SYNE1: variants seen among roughly 807,000 people sequenced by gnomAD.
The protein encoded by SYNE1 is nesprin-1.
SYNE1 carries 616 observed loss-of-function variants against 1,111.0 expected under a neutral mutation model. The ratio of observed to expected loss-of-function variants is 0.55; its 90% CI spans 0.52 to 0.59. The LOEUF (loss-of-function observed/expected upper bound fraction) is 0.59, where lower values mean the gene tolerates loss of function less well. Ranked by LOEUF, SYNE1 falls within the 20% of genes least tolerant of loss-of-function variation. The pLI, the probability that SYNE1 is intolerant of heterozygous loss-of-function variation, is 0.00. For synonymous variants in SYNE1, 3,855 were observed against 3,825.8 expected (o/e 1.01, Z -0.28); for missense variants, 10,006 against 10,417.0 (o/e 0.96, Z 1.72).
chr6:152,528,701 CA>C (rs2099178724), intron 4 of SYNE1, among the ~76,000 whole-genome samples: 1 of 152,100 alleles, frequency 6.6e-6, no homozygotes, highest in South Asian at 2.1e-4. Flanking sequence ...GTGTCCATGC[CA>C]GTATATGTTA....
Position 152,326,691 on chromosome 6 carries a change from A to G in SYNE1, c.14956-58T>C. 6.6e-6 allele frequency: 10 copies of G among 1,525,096 alleles called. No individual in the cohort carries two copies. The South Asian group carries it at 1.2e-4, about 18-fold the overall frequency. 94.5% of individuals were successfully genotyped at this position (1,525,096 alleles called of 1,614,324 possible). A position where few individuals can be genotyped will look rare whatever the true frequency, so the allele number is the denominator to read the frequency against. On this transcript the variant is annotated intron_variant, in intron 78 of 145. Coordinates refer to ENST00000367255, the MANE Select transcript of SYNE1 (RefSeq NM_182961.4). The stretch of plus-strand genomic sequence containing the variant: ...CTCCTTTGCAATGTGTTTGCAGGAA[A>G]GAGTTTTATTCACTCATTTGTTTTC...
intron 110 of SYNE1, among the ~76,000 whole-genome samples, 182 bp from the exon 111 acceptor site, chr6:152,234,982 G>C (rs1255524440): frequency 1.3e-5 from 2 of 152,106 alleles, no homozygotes; most frequent in Non-Finnish European, 2.9e-5. Flanking sequence ...CTGTCTCTCT[G>C]GGTTTCCGCT....
chr6:152,164,389 G>T, intron 130 of SYNE1, 64 bp from the exon 131 acceptor site: 1 of 1,584,980 alleles, frequency 6.3e-7, no homozygotes, highest in Non-Finnish European at 8.6e-7. Flanking sequence ...TCTCTAGCGT[G>T]CAGAGGAGAA....
intron 77 of SYNE1, among the ~76,000 whole-genome samples, chr6:152,332,133 C>T (rs1485286809): frequency 6.6e-6 from 1 of 152,172 alleles, no homozygotes; most frequent in East Asian, 1.9e-4. Flanking sequence ...TGCCACCATG[C>T]TCGGCTAATT....
intron 137 of SYNE1, chr6:152,145,412 A>G: frequency 7.2e-7 from 1 of 1,388,858 alleles, no homozygotes; most frequent in East Asian, 2.3e-5. Context: ...TGGGAGAGAG[A>G]CAGCAGATGT....
chr6:152,532,418 T>G (rs2099207885), intron 4 of SYNE1, among the ~76,000 whole-genome samples: 1 of 152,318 alleles, frequency 6.6e-6, no homozygotes, highest in African/African-American at 2.4e-5. Flanking sequence ...TATTTTACTT[T>G]AAACTACTAA....
chr6:152,630,548 G>A (rs1017458610), intron 2 of SYNE1, among the ~76,000 whole-genome samples: 3 of 152,186 alleles, frequency 2.0e-5, no homozygotes, highest in African/African-American at 7.2e-5. Context: ...AATAGATAGT[G>A]AAAAGTGCCT....
chr6:152,278,483 G>T (rs1412439665), intron 97 of SYNE1, among the ~76,000 whole-genome samples: 1 of 151,290 alleles, frequency 6.6e-6, no homozygotes, highest in African/African-American at 2.4e-5. Flanking sequence ...TATTTTTTTA[G>T]ACAGAATCTC....
intron 6 of SYNE1, among the ~76,000 whole-genome samples, chr6:152,518,172 T>C (rs1169098864): frequency 6.6e-6 from 1 of 150,954 alleles, no homozygotes; most frequent in Non-Finnish European, 1.5e-5. Context: ...TCCTGTTCTC[T>C]AGTTTGTAAA....
At chr6:152,212,459 T>C (rs2635446) in intron 123 of SYNE1, among the ~76,000 whole-genome samples, 30,424 of 152,154 alleles carry the variant, frequency 0.2, 3,484 homozygotes, top group Non-Finnish European at 0.27. Flanking sequence ...ATCAGTACCT[T>C]ATTCCTTTTT....
intron 21 of SYNE1, among the ~76,000 whole-genome samples, chr6:152,461,079 T>A (rs1445843028): frequency 6.6e-6 from 1 of 152,108 alleles, no homozygotes; most frequent in Non-Finnish European, 1.5e-5. Flanking sequence ...CCCAAAGTGC[T>A]GGATTATAGG....
At chr6:152,195,203 G>A (rs901245771) in intron 127 of SYNE1, among the ~76,000 whole-genome samples, 7 of 152,190 alleles carry the variant, frequency 4.6e-5, no homozygotes, top group African/African-American at 1.7e-4. Flanking sequence ...TTACAGGTGT[G>A]AGCCACTGCA....
intron 12 of SYNE1, among the ~76,000 whole-genome samples, chr6:152,487,215 C>T (rs2098945765): frequency 2.0e-5 from 3 of 152,156 alleles, no homozygotes; most frequent in Admixed American, 6.5e-5. Context: ...TCCCACTCCC[C>T]CACAGGCCCC....
At chr6:152,629,496 G>C (rs1278934321) in intron 2 of SYNE1, among the ~76,000 whole-genome samples, 1 of 132,526 alleles carries the variant, frequency 7.5e-6, no homozygotes, top group South Asian at 2.6e-4. Context: ...GTGAGCCACC[G>C]TGCCTGGCTG....
chr6:152,546,673 T>G (rs1213886536), intron 3 of SYNE1: 5 of 152,166 alleles, frequency 3.3e-5, no homozygotes, highest in Middle Eastern at 3.2e-3. Flanking sequence ...TTCCTATTTT[T>G]GGGGATTGGG....
chr6:152,412,238 G>A (rs542618542), intron 42 of SYNE1, among the ~76,000 whole-genome samples: 24 of 151,950 alleles, frequency 1.6e-4, no homozygotes, highest in African/African-American at 5.1e-4. Context: ...TGGCTAACAC[G>A]GTGAAACCCC....
chr6:152,334,310 T>G (rs765570862), intron 76 of SYNE1, 37 bp from the exon 77 acceptor site: 3 of 1,608,430 alleles, frequency 1.9e-6, no homozygotes, highest in Non-Finnish European at 2.5e-6. Context: ...TGTAATGTGT[T>G]AAGAAATGCC....
At chr6:152,433,488 C>A in intron 34 of SYNE1, 1 of 377,570 alleles carries the variant, frequency 2.6e-6, no homozygotes, top group Non-Finnish European at 4.9e-6. Context: ...ACCGGCAGAG[C>A]ATTCTATTGA....
At chr6:152,139,413 A>T (rs2057868113) in intron 140 of SYNE1, among the ~76,000 whole-genome samples, 1 of 151,818 alleles carries the variant, frequency 6.6e-6, no homozygotes, top group African/African-American at 2.4e-5. Flanking sequence ...TCTACTAAAA[A>T]TACAAAAACT....
Sources: gnomAD v4.1 joint callset for allele counts (sites outside exome capture counted in the v4.1 genomes callset) on GRCh38, gnomAD v4.1.1 for gene constraint, MANE v1.5 for transcripts, NCBI Gene and HGNC (gene_info 2026-07-23, HGNC 2026-07-21) for gene names.